The following ADAMTS3 variants were observed in gnomAD, a reference collection of about 807,000 sequenced individuals.
ADAMTS3 encodes the protein ADAM metallopeptidase with thrombospondin type 1 motif 3.
ADAMTS3 carries 73 observed loss-of-function variants against 129.0 expected under a neutral mutation model. The ratio of observed to expected loss-of-function variants is 0.57; its 90% CI spans 0.47 to 0.69. The LOEUF (loss-of-function observed/expected upper bound fraction) is 0.69. Ranked by LOEUF, ADAMTS3 falls within the 30% of genes least tolerant of loss-of-function variation. ADAMTS3 has a pLI of 0.00. For synonymous variants in ADAMTS3, 477 were observed against 510.8 expected (o/e 0.93, Z 0.89); for missense variants, 1,457 against 1,514.5 (o/e 0.96, Z 0.63).
At chr4:72,440,127 T>TA (rs966822529) in intron 3 of ADAMTS3, among the ~76,000 whole-genome samples, 2 of 151,714 alleles carry the variant, frequency 1.3e-5, no homozygotes, top group South Asian at 2.1e-4. Context: ...TGTTACTGCC[T>TA]AAAAAAATGG....
intron 5 of ADAMTS3, among the ~76,000 whole-genome samples, chr4:72,324,850 T>C (rs1014032190): frequency 1.3e-5 from 2 of 152,160 alleles, no homozygotes; most frequent in Admixed American, 1.3e-4. Flanking sequence ...AGAAAATGTG[T>C]CTTATAAAGA....
intron 3 of ADAMTS3, among the ~76,000 whole-genome samples, chr4:72,542,244 A>C (rs1721351117): frequency 6.6e-6 from 1 of 152,152 alleles, no homozygotes; most frequent in African/African-American, 2.4e-5. Flanking sequence ...AGCTCACTGC[A>C]AGCTCCATCT....
At chr4:72,554,158 T>G (rs575582538) in intron 2 of ADAMTS3, among the ~76,000 whole-genome samples, 1 of 152,358 alleles carries the variant, frequency 6.6e-6, no homozygotes, top group African/African-American at 2.4e-5. Context: ...TATATGTGCA[T>G]GAGTGTATTT....
intron 11 of ADAMTS3, 118 bp from the exon 12 acceptor site, chr4:72,313,940 G>T (rs1181276421): frequency 1.7e-6 from 2 of 1,157,532 alleles, no homozygotes; most frequent in Non-Finnish European, 2.5e-6. Context: ...TCCAGGTGGA[G>T]ATGCATTTAA....
At chr4:72,402,927 T>C (rs552056729) in intron 4 of ADAMTS3, among the ~76,000 whole-genome samples, 13 of 152,204 alleles carry the variant, frequency 8.5e-5, no homozygotes, top group Admixed American at 3.3e-4. Context: ...AAATAGTTGC[T>C]TATACCTAGG....
At chr4:72,288,482 T>C (rs548468106) in intron 21 of ADAMTS3, among the ~76,000 whole-genome samples, 2 of 152,214 alleles carry the variant, frequency 1.3e-5, no homozygotes, top group Non-Finnish European at 2.9e-5. Context: ...CACAAATTGA[T>C]AGACGTTACA....
chr4:72,379,164 G>A (rs1383047726), intron 4 of ADAMTS3, among the ~76,000 whole-genome samples: 1 of 152,038 alleles, frequency 6.6e-6, no homozygotes. Flanking sequence ...CATATTCACA[G>A]GCTCTGCCCA....
At chr4:72,333,121 G>T (rs1719893021) in intron 5 of ADAMTS3, among the ~76,000 whole-genome samples, 1 of 152,150 alleles carries the variant, frequency 6.6e-6, no homozygotes, top group African/African-American at 2.4e-5. Context: ...CTTAGAGTTG[G>T]AAAGTATTAA....
chr4:72,505,284 C>T (rs1720129744), intron 3 of ADAMTS3, among the ~76,000 whole-genome samples: 1 of 152,078 alleles, frequency 6.6e-6, no homozygotes, highest in African/African-American at 2.4e-5. Flanking sequence ...TCTCTTTACC[C>T]TCTTCCCTAG....
intron 3 of ADAMTS3, among the ~76,000 whole-genome samples, chr4:72,489,967 T>C (rs1033441640): frequency 6.6e-6 from 1 of 151,252 alleles, no homozygotes; most frequent in Non-Finnish European, 1.5e-5. Context: ...TGCTGCACCA[T>C]TTACATTCCC....
At chr4:72,363,831 A>C (rs1720791983) in intron 4 of ADAMTS3, among the ~76,000 whole-genome samples, 1 of 152,176 alleles carries the variant, frequency 6.6e-6, no homozygotes, top group South Asian at 2.1e-4. Context: ...TAAAACCTTA[A>C]GCGTGGGAAA....
chr4:72,401,136 C>T (rs1280162322), intron 4 of ADAMTS3, among the ~76,000 whole-genome samples: 4 of 151,874 alleles, frequency 2.6e-5, no homozygotes, highest in Admixed American at 6.6e-5. Flanking sequence ...GCTACCATAC[C>T]GGACAGCACT....
intron 2 of ADAMTS3, among the ~76,000 whole-genome samples, chr4:72,553,682 A>G (rs1255116132): frequency 2.6e-5 from 4 of 152,008 alleles, no homozygotes; most frequent in Non-Finnish European, 5.9e-5. Flanking sequence ...GAAATTTGCA[A>G]ACCTCAGCAC....
chr4:72,503,048 G>C (rs1260482467), intron 3 of ADAMTS3, among the ~76,000 whole-genome samples: 1 of 151,876 alleles, frequency 6.6e-6, no homozygotes, highest in South Asian at 2.1e-4. Context: ...TTTCTTGATG[G>C]AGTCTCACTC....
At chr4:72,349,726 C>A (rs1720378465) in intron 4 of ADAMTS3, among the ~76,000 whole-genome samples, 2 of 151,820 alleles carry the variant, frequency 1.3e-5, no homozygotes, top group South Asian at 4.2e-4. Context: ...CTTCATATCT[C>A]TTTGTTATGA....
chr4:72,472,915 T>G (rs1299626605), intron 3 of ADAMTS3, among the ~76,000 whole-genome samples: 1 of 152,098 alleles, frequency 6.6e-6, no homozygotes, highest in African/African-American at 2.4e-5. Context: ...TTGATGACCA[T>G]GAGTATGAGT....
At chr4:72,396,542 G>A (rs921865844) in intron 4 of ADAMTS3, among the ~76,000 whole-genome samples, 1 of 152,062 alleles carries the variant, frequency 6.6e-6, no homozygotes, top group African/African-American at 2.4e-5. Context: ...GATGCAGAAG[G>A]GAATATGACT....
chr4:72,302,071 A>G (rs1430576847), intron 17 of ADAMTS3, among the ~76,000 whole-genome samples: 1 of 152,148 alleles, frequency 6.6e-6, no homozygotes, highest in African/African-American at 2.4e-5. Flanking sequence ...AGCTGTAAGG[A>G]AGAATAAAAC....
At chr4:72,297,412 T>C (rs1238164026) in intron 18 of ADAMTS3, among the ~76,000 whole-genome samples, 1 of 152,182 alleles carries the variant, frequency 6.6e-6, no homozygotes, top group Non-Finnish European at 1.5e-5. Flanking sequence ...GAAAACACTT[T>C]AGAAATACAG....
Sources: allele counts gnomAD v4.1 joint callset (sites outside exome capture counted in the v4.1 genomes callset), GRCh38; gene constraint gnomAD v4.1.1; transcripts MANE v1.5; gene names NCBI Gene and HGNC (gene_info 2026-07-23, HGNC 2026-07-21).